Variants in RNF169 observed in about 807,000 individuals in gnomAD.
The protein encoded by RNF169 is E3 ubiquitin-protein ligase RNF169.
RNF169 carries 24 observed loss-of-function variants against 53.9 expected under a neutral mutation model. The observed-to-expected ratio is 0.45, with a 90% CI of 0.32 to 0.63. The LOEUF (loss-of-function observed/expected upper bound fraction) is 0.63. Ranked by LOEUF, RNF169 falls within the 20% of genes least tolerant of loss-of-function variation. The pLI, the probability that RNF169 is intolerant of heterozygous loss-of-function variation, is 0.04. For synonymous variants in RNF169, 396 were observed against 363.5 expected (o/e 1.09, Z -1.02); for missense variants, 883 against 906.2 (o/e 0.97, Z 0.33).
At chr11:74,793,481 T>G (rs955318667) in intron 2 of RNF169, among the ~76,000 whole-genome samples, 6 of 152,246 alleles carry the variant, frequency 3.9e-5, no homozygotes, top group African/African-American at 1.4e-4. Flanking sequence ...AGAATTTTTA[T>G]TCCTCTAATT....
At chr11:74,773,837 G>A (rs554244453) in intron 1 of RNF169, among the ~76,000 whole-genome samples, 4 of 152,162 alleles carry the variant, frequency 2.6e-5, no homozygotes, top group Admixed American at 2.6e-4. Context: ...GATAATAGGA[G>A]CTATTTTGCA....
chr11:74,770,026 A>G (rs1019188675), intron 1 of RNF169, among the ~76,000 whole-genome samples: 4 of 152,200 alleles, frequency 2.6e-5, no homozygotes, highest in Admixed American at 2.0e-4. Context: ...TCCTGGGTTC[A>G]AGCAATCCTC....
intron 1 of RNF169, among the ~76,000 whole-genome samples, chr11:74,785,210 G>C (rs1239181716): frequency 1.3e-4 from 8 of 63,358 alleles, no homozygotes; most frequent in African/African-American, 6.1e-4. Context: ...ATATATATAT[G>C]ATATATATAT....
intron 2 of RNF169, among the ~76,000 whole-genome samples, chr11:74,802,505 C>G (rs369188552): frequency 6.6e-6 from 1 of 151,994 alleles, no homozygotes; most frequent in Non-Finnish European, 1.5e-5. Flanking sequence ...TAGCCAGGCG[C>G]GATGGTGCAC....
rs188051845 is a variant in RNF169 at position 74,791,157 on chromosome 11, C to T, written c.576+1458C>T. On this transcript the variant is annotated intron_variant, in intron 2 of 5. Coordinates refer to ENST00000299563, the MANE Select transcript of RNF169 (RefSeq NM_001098638.2). ...GTCCGGACATCTACTCAGCTCTCAG[C>T]TGAGAGGAGATCCACAGTGGGTAGC... Among the ~76,000 whole-genome samples the T allele has an allele frequency of 6.6e-5, 10 of 152,280 alleles. No homozygotes were observed. In the East Asian group the frequency reaches 1.9e-3, roughly 29 times the overall value.
intron 2 of RNF169, among the ~76,000 whole-genome samples, chr11:74,795,316 C>T (rs2035633041): frequency 6.7e-6 from 1 of 150,212 alleles, no homozygotes; most frequent in Non-Finnish European, 1.5e-5. Flanking sequence ...GTCTCCTGGG[C>T]TCAAGTGATC....
intron 3 of RNF169, among the ~76,000 whole-genome samples, chr11:74,812,824 CTCTTT>C (rs1591421954): frequency 1.3e-5 from 2 of 152,128 alleles, no homozygotes; most frequent in Non-Finnish European, 2.9e-5. Flanking sequence ...TTAATGACTC[CTCTTT>C]TCTTGTGAAA....
At chr11:74,796,574 A>T (rs2035652302) in intron 2 of RNF169, among the ~76,000 whole-genome samples, 1 of 152,136 alleles carries the variant, frequency 6.6e-6, no homozygotes, top group African/African-American at 2.4e-5. Flanking sequence ...CTTTGACTTC[A>T]TGGTTCAATA....
In RNF169 at chr11:74,758,505, CT is replaced by C. The variant is rs967760598; in HGVS notation, c.502+9137del. On this transcript the variant is annotated intron_variant, in intron 1 of 5. Transcript: ENST00000299563. ...GGGCTCTTTTTTGGTTCCATATGAA[CT>C]TTTTTTTTTTTTTGAGACGGAGTCT... is the stretch of plus-strand genomic sequence containing the variant. Among the ~76,000 whole-genome samples the C allele has an allele frequency of 2.5e-3, 361 of 143,750 alleles. 1 individual carries two copies. Among genetic ancestry groups the C allele is most frequent in the East Asian group, 9.4e-3 (47 of 4,984 alleles). The allele number at this position is 143,750 out of a possible 152,430, so 94.3% of individuals were successfully genotyped here. A position where few individuals can be genotyped will look rare whatever the true frequency, so the allele number is the denominator to read the frequency against.
At chr11:74,816,105 A>G (rs957391754) in intron 3 of RNF169, among the ~76,000 whole-genome samples, 2 of 152,208 alleles carry the variant, frequency 1.3e-5, no homozygotes, top group Non-Finnish European at 2.9e-5. Flanking sequence ...TAGCAAATAT[A>G]GTCTATTGTG....
intron 2 of RNF169, among the ~76,000 whole-genome samples, chr11:74,804,562 A>G (rs990014394): frequency 6.6e-6 from 1 of 152,184 alleles, no homozygotes; most frequent in Non-Finnish European, 1.5e-5. Context: ...GATTCACCAA[A>G]AATTGGGTAA....
chr11:74,800,682 G>C (rs944715378), intron 2 of RNF169, among the ~76,000 whole-genome samples: 2 of 152,156 alleles, frequency 1.3e-5, no homozygotes, highest in Admixed American at 1.3e-4. Context: ...CTGCCTTTGG[G>C]TAAGAAATGG....
At position 74,749,253 on chromosome 11, in the gene RNF169, G is replaced by T; in HGVS notation, c.373G>T (p.Asp125Tyr). The T allele has an allele frequency of 9.1e-7, 1 of 1,103,840 alleles. No homozygotes were observed. Among genetic ancestry groups the T allele is most frequent in the South Asian group, 4.2e-5 (1 of 23,680 alleles). The allele number at this position is 1,103,840 out of a possible 1,614,324, so 68.4% of individuals were successfully genotyped here. A position where few individuals can be genotyped will look rare whatever the true frequency, so the allele number is the denominator to read the frequency against. Residue 125 changes from aspartate to tyrosine, a missense_variant, in exon 1 of 6, where the codon GAC (aspartate) becomes TAC (tyrosine). Coordinates refer to ENST00000299563, the MANE Select transcript of RNF169 (RefSeq NM_001098638.2). ...TCGGGCCCGCGACGACGGCCAGGCC[G>T]ACTCAGAGGTGCTGGGCGAGTGCGC... The part of the protein sequence containing the change: ...RRRARDDGQA[D>Y]SEVLGECARR...
chr11:74,772,202 T>C (rs1394135696), intron 1 of RNF169, among the ~76,000 whole-genome samples: 1 of 152,230 alleles, frequency 6.6e-6, no homozygotes, highest in Admixed American at 6.5e-5. Flanking sequence ...CTTTTATTTA[T>C]GCAGGTCATG....
intron 1 of RNF169, among the ~76,000 whole-genome samples, chr11:74,771,060 G>A (rs2035253050): frequency 6.6e-6 from 1 of 151,854 alleles, no homozygotes; most frequent in Non-Finnish European, 1.5e-5. Context: ...CCCCCGCCTC[G>A]ACCTCTCAAA....
At chr11:74,799,786 G>A (rs2035704642) in intron 2 of RNF169, among the ~76,000 whole-genome samples, 1 of 151,748 alleles carries the variant, frequency 6.6e-6, no homozygotes, top group Non-Finnish European at 1.5e-5. Context: ...GTGCATTTCT[G>A]TTAATTGGGA....
intron 5 of RNF169, 96 bp from the exon 6 acceptor site, chr11:74,835,450 C>T: frequency 3.3e-6 from 3 of 903,150 alleles, no homozygotes; most frequent in Non-Finnish European, 5.2e-6. Context: ...TTTTCTTGTC[C>T]TCCCCTTCCC....
chr11:74,836,037 G>C lies in RNF169; in HGVS notation c.1434G>C (p.Val478=). 6.2e-7 allele frequency: 1 copy of C among 1,614,172 alleles called. No homozygotes were observed. Among genetic ancestry groups the C allele is most frequent in the Non-Finnish European group, 8.5e-7 (1 of 1,180,030 alleles). ...ATTCTAGCAAGGAGAAGCCACTTGT[G>C]GCTGTAAATACAAGATTATCTGGTG... The part of the protein sequence containing the change: ...GIHSSKEKPL[V]AVNTRLSGGQ... The change falls in exon 6 of 6, where the codon GTG becomes GTC. Residue 478 remains valine, a synonymous_variant. Transcript: ENST00000299563.
chr11:74,814,188 G>T (rs916735787), intron 3 of RNF169, among the ~76,000 whole-genome samples: 17 of 151,790 alleles, frequency 1.1e-4, no homozygotes, highest in African/African-American at 4.1e-4. Flanking sequence ...TGGCCATGGT[G>T]GCACGTGTCT....
Sources: allele counts gnomAD v4.1 joint callset (sites outside exome capture counted in the v4.1 genomes callset), GRCh38; gene constraint gnomAD v4.1.1; transcripts MANE v1.5; gene names NCBI Gene and HGNC (gene_info 2026-07-23, HGNC 2026-07-21).